The following RBFOX1 variants were observed in gnomAD, a reference collection of about 807,000 sequenced individuals.
RBFOX1 encodes RNA binding fox-1 homolog 1.
In RBFOX1, 8 loss-of-function variants were observed where a neutral mutation model predicts 57.7. The observed-to-expected ratio is 0.14, with a 90% CI of 0.08 to 0.25. The LOEUF (loss-of-function observed/expected upper bound fraction) is 0.25, where lower values mean the gene tolerates loss of function less well. Ranked by LOEUF, RBFOX1 falls within the 10% of genes least tolerant of loss-of-function variation. The pLI, the probability that RBFOX1 is intolerant of heterozygous loss-of-function variation, is 1.00. For missense variants in RBFOX1, 611 were observed against 548.5 expected, an observed-to-expected ratio of 1.11 and a Z score of -1.14; for synonymous variants, 326 against 222.4, an observed-to-expected ratio of 1.47 and a Z score of -4.15.
chr16:7,208,237 A>T (rs553660047), intron 4 of RBFOX1, among the ~76,000 whole-genome samples: 4 of 152,198 alleles, frequency 2.6e-5, no homozygotes, highest in Non-Finnish European at 4.4e-5. Context: ...TCCCTCCACC[A>T]ATTCATATGT....
At chr16:7,686,142 A>G (rs2076015717) in intron 14 of RBFOX1, among the ~76,000 whole-genome samples, 1 of 152,120 alleles carries the variant, frequency 6.6e-6, no homozygotes, top group Admixed American at 6.6e-5. Context: ...TATTAGCAGC[A>G]GCAGCATCAC....
chr16:7,509,246 G>T (rs554609058), intron 4 of RBFOX1, among the ~76,000 whole-genome samples: 2 of 152,202 alleles, frequency 1.3e-5, no homozygotes, highest in African/African-American at 4.8e-5. Context: ...GGTCATCTTA[G>T]TATTTATTTT....
At chr16:5,828,668 C>T (rs541383737) in intron 3 of RBFOX1, among the ~76,000 whole-genome samples, 7 of 152,036 alleles carry the variant, frequency 4.6e-5, no homozygotes, top group Admixed American at 1.3e-4. Flanking sequence ...TACTGCAGTC[C>T]AGCCTGGTGA....
chr16:7,109,315 G>A (rs908685767), intron 4 of RBFOX1, among the ~76,000 whole-genome samples: 5 of 152,056 alleles, frequency 3.3e-5, no homozygotes, highest in African/African-American at 4.8e-5. Flanking sequence ...TGACCATGCC[G>A]TGAAACAAAG....
chr16:6,906,254 A>G (rs1287727082), intron 3 of RBFOX1, among the ~76,000 whole-genome samples: 2 of 151,516 alleles, frequency 1.3e-5, no homozygotes, highest in Middle Eastern at 3.2e-3. Flanking sequence ...CCCCCAAAAT[A>G]TACATTGTCA....
At chr16:7,508,715 T>C (rs1000381701) in intron 4 of RBFOX1, among the ~76,000 whole-genome samples, 2 of 152,152 alleles carry the variant, frequency 1.3e-5, no homozygotes, top group Admixed American at 1.3e-4. Context: ...AGGGGCCACC[T>C]GAACTAGAAC....
intron 1 of RBFOX1, chr16:5,467,196 CT>C (rs754559870): frequency 0.021 from 20,486 of 975,552 alleles, no homozygotes; most frequent in South Asian, 0.041. Context: ...CTCTCTCTCT[CT>C]TTTTTTTTTT....
chr16:6,029,895 A>G (rs1429187819), intron 1 of RBFOX1, among the ~76,000 whole-genome samples: 3 of 151,890 alleles, frequency 2.0e-5, no homozygotes, highest in African/African-American at 7.2e-5. Flanking sequence ...TCAACTCTCT[A>G]ATGTTATTTG....
chr16:6,256,253 A>ATGTG (rs1460078635), intron 1 of RBFOX1, among the ~76,000 whole-genome samples: 5 of 116,400 alleles, frequency 4.3e-5, no homozygotes, highest in Admixed American at 9.5e-5. Context: ...ATATGTATAT[A>ATGTG]TATGTGTATA....
intron 4 of RBFOX1, among the ~76,000 whole-genome samples, chr16:5,939,153 A>C (rs1347855181): frequency 6.6e-6 from 1 of 152,188 alleles, no homozygotes; most frequent in African/African-American, 2.4e-5. Context: ...ATGATGAATT[A>C]ATGGGTACAG....
intron 4 of RBFOX1, among the ~76,000 whole-genome samples, chr16:7,171,078 GT>G (rs1159167155): frequency 2.6e-5 from 4 of 152,134 alleles, no homozygotes; most frequent in Non-Finnish European, 4.4e-5. Context: ...CTTGTTGGAG[GT>G]CCAGCTCCAT....
intron 2 of RBFOX1, among the ~76,000 whole-genome samples, chr16:6,550,668 T>C (rs899401529): frequency 1.3e-5 from 2 of 152,238 alleles, no homozygotes; most frequent in Non-Finnish European, 2.9e-5. Context: ...ATGAGCTTTT[T>C]CCAGCATGAG....
At chr16:6,911,906 A>C (rs368460112) in intron 3 of RBFOX1, among the ~76,000 whole-genome samples, 1 of 152,306 alleles carries the variant, frequency 6.6e-6, no homozygotes, top group South Asian at 2.1e-4. Flanking sequence ...GATGTGGCCA[A>C]ATATAGAAGA....
intron 3 of RBFOX1, among the ~76,000 whole-genome samples, chr16:7,026,042 A>G (rs2040820947): frequency 1.3e-5 from 2 of 152,156 alleles, no homozygotes; most frequent in Non-Finnish European, 2.9e-5. Context: ...ACAAAGGGAA[A>G]ACAAAAGGAC....
chr16:5,578,170 T>G (rs1174379646), intron 2 of RBFOX1, among the ~76,000 whole-genome samples: 2 of 152,166 alleles, frequency 1.3e-5, no homozygotes, highest in Non-Finnish European at 1.5e-5. Flanking sequence ...CATGATGGTT[T>G]TGATCTCTTG....
intron 3 of RBFOX1, among the ~76,000 whole-genome samples, chr16:5,849,612 A>C (rs1291493041): frequency 6.6e-6 from 1 of 152,124 alleles, no homozygotes; most frequent in African/African-American, 2.4e-5. Context: ...ACCAGTGCTC[A>C]GAGTCAGGAA....
At chr16:7,492,248 A>C (rs1431278902) in intron 4 of RBFOX1, among the ~76,000 whole-genome samples, 2 of 152,236 alleles carry the variant, frequency 1.3e-5, no homozygotes, top group African/African-American at 4.8e-5. Flanking sequence ...TAAAAATTCA[A>C]ATAAAAGGAA....
chr16:5,355,242 A>C (rs896243213), intron 1 of RBFOX1, among the ~76,000 whole-genome samples: 3 of 152,140 alleles, frequency 2.0e-5, no homozygotes, highest in African/African-American at 7.2e-5. Flanking sequence ...CCCAGCAGGA[A>C]ATGGCAGATG....
chr16:6,065,100 T>A lies in RBFOX1; in HGVS notation c.-127+45108T>A, dbSNP rs547350778. Among the ~76,000 whole-genome samples the A allele has an allele frequency of 6.6e-5, 10 of 152,046 alleles. 1 individual carries two copies. In the South Asian group the frequency reaches 2.1e-3, roughly 32 times the overall value. On this transcript the variant is annotated intron_variant, in intron 1 of 15. Coordinates refer to ENST00000550418, the MANE Select transcript of RBFOX1 (RefSeq NM_018723.4). Reference sequence around the variant, plus strand: ...TAGAGTATAATGGTGTGATCCTGGCTTACTGCAGCCTTGACCTCCCGGGCT... The same window carrying A: ...TAGAGTATAATGGTGTGATCCTGGCATACTGCAGCCTTGACCTCCCGGGCT...
Sources: gnomAD v4.1 joint callset for allele counts (sites outside exome capture counted in the v4.1 genomes callset) on GRCh38, gnomAD v4.1.1 for gene constraint, MANE v1.5 for transcripts, NCBI Gene and HGNC (gene_info 2026-07-23, HGNC 2026-07-21) for gene names.